CTDSPL: variants seen among roughly 807,000 people sequenced by gnomAD.
CTDSPL encodes the protein CTD small phosphatase-like protein.
CTDSPL carries 8 observed loss-of-function variants against 30.5 expected under a neutral mutation model. The observed-to-expected ratio is 0.26, with a 90% CI of 0.15 to 0.47. CTDSPL has a LOEUF of 0.47. Among genes scored for constraint, CTDSPL ranks in the 20% least tolerant of loss-of-function variants. The pLI is 0.99. For synonymous variants in CTDSPL, 110 were observed against 137.9 expected, an observed-to-expected ratio of 0.80 and a Z score of 1.42; for missense variants, 248 against 366.1, an observed-to-expected ratio of 0.68 and a Z score of 2.63.
chr3:37,909,990 C>T (rs369035342), intron 1 of CTDSPL, among the ~76,000 whole-genome samples: 16 of 152,318 alleles, frequency 1.1e-4, no homozygotes, highest in African/African-American at 3.8e-4. Flanking sequence ...GAATTCAAAT[C>T]CCAGCTCCAT....
rs1698474823 is a variant in CTDSPL at position 37,903,393 on chromosome 3, T to C, written c.79+41115T>C. On this transcript the variant is annotated intron_variant, in intron 1 of 7. Transcript: ENST00000273179. ...TTGTTGCTGTTATTACAGCTGCTGC[T>C]GCAGCAAAACAGCTTTGAACCCTGA... Among the ~76,000 whole-genome samples the C allele has an allele frequency of 2.0e-5, 3 of 152,202 alleles. No homozygotes were observed. In the South Asian group the frequency reaches 6.2e-4, roughly 31 times the overall value.
intron 1 of CTDSPL, among the ~76,000 whole-genome samples, chr3:37,926,887 T>C (rs924697855): frequency 6.6e-6 from 1 of 152,136 alleles, no homozygotes; most frequent in Non-Finnish European, 1.5e-5. Flanking sequence ...AGGACGATGA[T>C]CATAATGACA....
chr3:37,955,406 G>T (rs558583190), intron 2 of CTDSPL, among the ~76,000 whole-genome samples: 1 of 152,258 alleles, frequency 6.6e-6, no homozygotes, highest in South Asian at 2.1e-4. Flanking sequence ...CAACCTGGGT[G>T]ACAGAGCAAG....
intron 2 of CTDSPL, among the ~76,000 whole-genome samples, chr3:37,950,806 C>T (rs1699098026): frequency 6.6e-6 from 1 of 152,098 alleles, no homozygotes; most frequent in Non-Finnish European, 1.5e-5. Flanking sequence ...AAGAGAAAGT[C>T]TTACAAGCTA....
intron 1 of CTDSPL, among the ~76,000 whole-genome samples, chr3:37,913,862 TATA>T (rs1237086855): frequency 2.6e-5 from 4 of 152,244 alleles, no homozygotes; most frequent in African/African-American, 9.6e-5. Context: ...ACTGTTGCTG[TATA>T]ATAAGTTTCA....
At chr3:37,880,013 C>A (rs1305874829) in intron 1 of CTDSPL, among the ~76,000 whole-genome samples, 1 of 151,020 alleles carries the variant, frequency 6.6e-6, no homozygotes, top group Non-Finnish European at 1.5e-5. Context: ...TAAGACCTTG[C>A]CGTTGTATTT....
intron 4 of CTDSPL, among the ~76,000 whole-genome samples, chr3:37,966,371 T>G (rs1175171305): frequency 6.6e-6 from 1 of 152,254 alleles, no homozygotes; most frequent in Non-Finnish European, 1.5e-5. Flanking sequence ...ATTTGTACAA[T>G]GCATAGGTTC....
At chr3:37,871,663 C>T (rs1334426295) in intron 1 of CTDSPL, among the ~76,000 whole-genome samples, 1 of 152,150 alleles carries the variant, frequency 6.6e-6, no homozygotes, top group Non-Finnish European at 1.5e-5. Flanking sequence ...CTTTGCTAAA[C>T]TGGGGGAGTT....
intron 1 of CTDSPL, among the ~76,000 whole-genome samples, chr3:37,879,189 G>C (rs1403533794): frequency 6.6e-6 from 1 of 152,164 alleles, no homozygotes; most frequent in Admixed American, 6.5e-5. Flanking sequence ...CTTCATTCAG[G>C]AAGTATAACC....
intron 1 of CTDSPL, among the ~76,000 whole-genome samples, chr3:37,882,045 C>T (rs1163018884): frequency 6.6e-5 from 10 of 152,140 alleles, no homozygotes; most frequent in Non-Finnish European, 1.0e-4. Context: ...TGGTGGCTCA[C>T]GCCTGTAGTC....
chr3:37,954,220 A>T (rs573297044), intron 2 of CTDSPL, among the ~76,000 whole-genome samples: 19 of 152,374 alleles, frequency 1.2e-4, no homozygotes, highest in African/African-American at 4.6e-4. Context: ...CAGTTCCTCC[A>T]GCAGAGCTGA....
chr3:37,932,727 C>T (rs938694178), intron 1 of CTDSPL, among the ~76,000 whole-genome samples: 3 of 152,224 alleles, frequency 2.0e-5, no homozygotes, highest in African/African-American at 2.4e-5. Context: ...TGGGAGTGTA[C>T]ACTAGCACTG....
intron 1 of CTDSPL, among the ~76,000 whole-genome samples, chr3:37,931,798 A>ATT (rs58871270): frequency 1.1e-4 from 16 of 148,890 alleles, no homozygotes; most frequent in African/African-American, 3.4e-4. Context: ...AGCTATAACA[A>ATT]TTTTTTTTTT....
Position 37,975,618 on chromosome 3 carries a change from T to TA in CTDSPL, c.520-85dup, listed in dbSNP as rs1699416080. 2 of 1,193,224 alleles carry TA rather than the reference T, an allele frequency of 1.7e-6. No homozygotes were observed. Among genetic ancestry groups the TA allele is most frequent in the Non-Finnish European group, 2.3e-6 (2 of 853,226 alleles). The allele number at this position is 1,193,224 out of a possible 1,614,324, so 73.9% of individuals were successfully genotyped here. On this transcript the variant is annotated intron_variant, in intron 6 of 7. Transcript: ENST00000273179. This position sits in a 1 kb window ranked among gnomAD's most constrained non-coding sequence, Gnocchi z 4.9. The stretch of plus-strand genomic sequence containing the variant: ...CACATCTAATTATTAAATCCATTTT[T>TA]AAAAAACGTAATCTGGATCTTGCTG...
rs557222010 is a variant in CTDSPL at position 37,975,223 on chromosome 3, C to T, written c.520-486C>T. 7.2e-5 allele frequency among the ~76,000 whole-genome samples: 11 copies of T among 152,286 alleles called. No individual in the cohort carries two copies. The Middle Eastern group carries it at 0.014, about 188-fold the overall frequency. Reference sequence around the variant, plus strand: ...CCAGATGGAGCTCATTCAGCTGTGCCATGTGGGACGCAGCAGTGAGGAACG... The same window carrying T: ...CCAGATGGAGCTCATTCAGCTGTGCTATGTGGGACGCAGCAGTGAGGAACG... On this transcript the variant is annotated intron_variant, in intron 6 of 7. Coordinates refer to ENST00000273179, the MANE Select transcript of CTDSPL (RefSeq NM_001008392.2). The surrounding 1 kb of genome is among the most constrained non-coding windows in gnomAD (Gnocchi z 4.9).
chr3:37,893,792 A>G (rs1011896999), intron 1 of CTDSPL, among the ~76,000 whole-genome samples: 1 of 152,220 alleles, frequency 6.6e-6, no homozygotes, highest in Non-Finnish European at 1.5e-5. Context: ...CTTAGAGCAG[A>G]TTACAGAAAA....
chr3:37,867,605 A>G (rs1332487332), intron 1 of CTDSPL, among the ~76,000 whole-genome samples: 1 of 152,246 alleles, frequency 6.6e-6, no homozygotes, highest in African/African-American at 2.4e-5. Context: ...GTTTCTCTGC[A>G]TCCTCACCAG....
intron 3 of CTDSPL, among the ~76,000 whole-genome samples, chr3:37,959,179 C>A (rs577979274): frequency 6.6e-6 from 1 of 152,328 alleles, no homozygotes; most frequent in Non-Finnish European, 1.5e-5. Context: ...GTGACCAGAG[C>A]AGCTGCATCT....
chr3:37,883,293 C>T (rs1216364663), intron 1 of CTDSPL, among the ~76,000 whole-genome samples: 2 of 152,218 alleles, frequency 1.3e-5, no homozygotes, highest in Non-Finnish European at 2.9e-5. Context: ...CGGGCTGGAG[C>T]ACTGGCTCCC....
Sources: gnomAD v4.1 joint callset for allele counts (sites outside exome capture counted in the v4.1 genomes callset) on GRCh38, gnomAD v4.1.1 for gene constraint, Gnocchi (gnomAD v3.1) non-coding constraint, MANE v1.5 for transcripts, NCBI Gene and HGNC (gene_info 2026-07-23, HGNC 2026-07-21) for gene names.